Variants in DUOX2 observed in about 807,000 individuals in gnomAD.
The protein encoded by DUOX2 is dual oxidase 2, also known as NADH/NADPH thyroid oxidase p138-tox.
In DUOX2, 185 loss-of-function variants were observed where a neutral mutation model predicts 183.3. The observed-to-expected ratio is 1.01, with a 90% CI of 0.90 to 1.14. The LOEUF is 1.14. DUOX2 is among the 50% of genes most tolerant of loss of function. The pLI is 0.00. For missense variants in DUOX2, 1,999 were observed against 2,022.9 expected (o/e 0.99, Z 0.23); for synonymous variants, 788 against 812.4 (o/e 0.97, Z 0.51).
At position 45,093,801 on chromosome 15, in the gene DUOX2, T is replaced by G. The variant is rs1893821111; in HGVS notation, c.*349A>C. On this transcript the variant is annotated 3_prime_UTR_variant, in exon 34 of 34. Coordinates refer to ENST00000389039, the MANE Select transcript of DUOX2 (RefSeq NM_001363711.2). ...TCCTCCCCACTTTGCTTGCCACGCC[T>G]GCCATGGCTTGAGCTGGGGTGAGGA... 1 of 316,260 alleles carries G rather than the reference T, an allele frequency of 3.2e-6. No individual in the cohort carries two copies. Among genetic ancestry groups the G allele is most frequent in the African/African-American group, 2.1e-5 (1 of 47,150 alleles). The allele number at this position is 316,260 out of a possible 1,614,324, so 19.6% of individuals were successfully genotyped here.
intron 20 of DUOX2, 107 bp from the exon 21 acceptor site, chr15:45,102,096 C>G: frequency 7.2e-7 from 1 of 1,396,182 alleles, no homozygotes; most frequent in Non-Finnish European, 9.9e-7. Context: ...ACCAGTGACC[C>G]GGGAAATGGC....
intron 29 of DUOX2, among the ~76,000 whole-genome samples, chr15:45,096,363 G>A (rs1292827220): frequency 1.3e-5 from 2 of 152,102 alleles, no homozygotes; most frequent in Non-Finnish European, 2.9e-5. Context: ...AAGGGACTCA[G>A]GCTCACCAGG....
At position 45,106,020 on chromosome 15, in the gene DUOX2, T is replaced by C. The variant is rs1595524771; in HGVS notation, c.2148+105A>G. 2.8e-6 allele frequency: 4 copies of C among 1,446,336 alleles called. No individual in the cohort carries two copies. The East Asian group carries it at 9.6e-5, about 35-fold the overall frequency. The allele number at this position is 1,446,336 out of a possible 1,614,324, so 89.6% of individuals were successfully genotyped here. ...CTGAAAGGAGCCCCTCTCCCCAGCA[T>C]CAGCTGTCATAGTTGAGCTCTGTAG... is the stretch of plus-strand genomic sequence containing the variant. On this transcript the variant is annotated intron_variant, in intron 17 of 33. Coordinates refer to ENST00000389039, the MANE Select transcript of DUOX2 (RefSeq NM_001363711.2).
chr15:45,101,022 A>G, intron 22 of DUOX2, 183 bp downstream of exon 22: 1 of 703,214 alleles, frequency 1.4e-6, no homozygotes, highest in Non-Finnish European at 2.5e-6. Context: ...AGCAGCAGGG[A>G]GAGAGCCAAG....
rs752034247 is a variant in DUOX2, at chr15:45,108,372, A to G, written c.1399-150T>C. 6.1e-4 allele frequency: 560 copies of G among 921,170 alleles called. 3 individuals carry two copies. The Middle Eastern group carries it at 7.2e-3, about 12-fold the overall frequency. The allele number at this position is 921,170 out of a possible 1,614,324, so 57.1% of individuals were successfully genotyped here. Reference sequence around the variant, plus strand: ...TCTTAGGCAAGCCCCCTCAGGCAGGACAAGTCTGGTGGAAGGATCAGTGTG... The same window carrying G: ...TCTTAGGCAAGCCCCCTCAGGCAGGGCAAGTCTGGTGGAAGGATCAGTGTG... On this transcript the variant is annotated intron_variant, in intron 12 of 33. Coordinates refer to ENST00000389039, the MANE Select transcript of DUOX2 (RefSeq NM_001363711.2).
At chr15:45,113,634 A>C (rs1894516634) in intron 1 of DUOX2, among the ~76,000 whole-genome samples, 1 of 152,102 alleles carries the variant, frequency 6.6e-6, no homozygotes, top group Non-Finnish European at 1.5e-5. Context: ...AGGCATTGAC[A>C]CTGTTCCCCA....
In DUOX2 at chr15:45,092,741, T is replaced by A. The variant is rs1893796403; in HGVS notation, c.*1409A>T. 2 of 152,176 alleles carry A rather than the reference T, an allele frequency of 1.3e-5. No individual in the cohort carries two copies. The highest frequency in any genetic ancestry group is 2.9e-5 in the Non-Finnish European group (2 of 68,028). The allele number at this position is 152,176 out of a possible 1,614,324, so 9.4% of individuals were successfully genotyped here. A position where few individuals can be genotyped will look rare whatever the true frequency, so the allele number is the denominator to read the frequency against. On this transcript the variant is annotated 3_prime_UTR_variant, in exon 34 of 34. Transcript: ENST00000389039. The stretch of plus-strand genomic sequence containing the variant: ...CATCAACAGAAGAATAAACAAACTG[T>A]GGTACATCTCTACAATAGAATACTA...
At chr15:45,105,290 AG>A (rs1894182082) in intron 18 of DUOX2, among the ~76,000 whole-genome samples, 1 of 152,236 alleles carries the variant, frequency 6.6e-6, no homozygotes, top group Admixed American at 6.5e-5. Flanking sequence ...CTAACTGGGT[AG>A]GTGCATTTCT....
chr15:45,110,539 C>T lies in DUOX2; in HGVS notation c.944-15G>A, dbSNP rs377197782. The T allele has an allele frequency of 7.3e-5, 118 of 1,613,934 alleles. No individual in the cohort carries two copies. Among genetic ancestry groups the T allele is most frequent in the African/African-American group, 5.5e-4 (41 of 74,898 alleles). On this transcript the variant is annotated splice_polypyrimidine_tract_variant and intron_variant, in intron 8 of 33. Coordinates refer to ENST00000389039, the MANE Select transcript of DUOX2 (RefSeq NM_001363711.2). ...AGGACGGTATCCTGCAGGAAGGAGA[C>T]GGTGATGATGGGGAGACAGGCTTCT...
chr15:45,097,645 G>T lies in DUOX2; in HGVS notation c.3662C>A (p.Thr1221Asn). The change falls in exon 28 of 34, where the codon ACC becomes AAC. Residue 1221 changes from threonine (T) to asparagine (N), a missense_variant. Physicochemically the swap from Thr to Asn is moderately conservative, Grantham distance 65. Around this residue, in one of 3 missense-constraint regions of DUOX2, gnomAD observed 1,628 missense variants for 1,608.6 expected, o/e 1.01. Transcript: ENST00000389039. ...RRRSFRGFWL[T>N]HHLYILLYAL... is the part of the protein sequence containing the mutation. ...ATAGAGCAGGATGTAGAGGTGGTGG[G>T]TCAGCCAGAAGCCCCGGAAGCTGCG... 6.2e-7 allele frequency: 1 copy of T among 1,614,258 alleles called. No homozygotes were observed. The highest frequency in any genetic ancestry group is 8.5e-7 in the Non-Finnish European group (1 of 1,180,048).
chr15:45,102,669 C>G (rs773647706), intron 20 of DUOX2, among the ~76,000 whole-genome samples: 1 of 152,164 alleles, frequency 6.6e-6, no homozygotes, highest in African/African-American at 2.4e-5. Context: ...GCAAGATACA[C>G]GCTGAGTTAC....
intron 13 of DUOX2, among the ~76,000 whole-genome samples, 161 bp downstream of exon 13, chr15:45,107,886 A>AAAAG (rs150831750): frequency 5.6e-5 from 7 of 124,782 alleles, no homozygotes; most frequent in African/African-American, 2.3e-4. Context: ...AAAGAAAAAG[A>AAAAG]AAAAGAGAAG....
Position 45,111,180 on chromosome 15 carries a change from G to A in DUOX2, c.813C>T (p.Arg271=). 7.8e-7 allele frequency: 1 copy of A among 1,274,556 alleles called. No homozygotes were observed. Among genetic ancestry groups the A allele is most frequent in the Non-Finnish European group, 1.1e-6 (1 of 930,254 alleles). 79.0% of individuals were successfully genotyped at this position (1,274,556 alleles called of 1,614,324 possible). The part of the protein sequence containing the change: ...YHNLWAQRLA[R]QHPDWEDEEL... ...CCTCGTCCTCCCAGTCTGGGTGCTG[G>A]CGGGCCAGCCTCTGCGCCCACAGGT... Residue 271 remains arginine (R), a synonymous_variant, in exon 7 of 34, where the codon CGC becomes CGT. Transcript: ENST00000389039.
At chr15:45,109,218 C>T in intron 11 of DUOX2, 1 of 603,554 alleles carries the variant, frequency 1.7e-6, no homozygotes, top group East Asian at 2.8e-5. Flanking sequence ...TCCTATGCCT[C>T]CCTAGTTTCA....
chr15:45,101,926 A>G lies in DUOX2; in HGVS notation c.2718T>C (p.Ser906=), dbSNP rs200735161. 4.6e-5 allele frequency: 75 copies of G among 1,614,200 alleles called. 1 individual carries two copies. Among genetic ancestry groups the G allele is most frequent in the Middle Eastern group, 1.6e-4 (1 of 6,062 alleles). ...CCTGGAATCCCGACTCCCGGAACAT[A>G]GACTCCACCACCTCGGCCAGCTGGG... ...SKAQLAEVVE[S]MFRESGFQDK... Residue 906 remains serine (S), a synonymous_variant, in exon 21 of 34, where the codon TCT becomes TCC. Coordinates refer to ENST00000389039, the MANE Select transcript of DUOX2 (RefSeq NM_001363711.2).
At chr15:45,107,501 G>C (rs770201367) in intron 13 of DUOX2, 38 bp from the exon 14 acceptor site, 1 of 1,606,958 alleles carries the variant, frequency 6.2e-7, no homozygotes, top group African/African-American at 1.3e-5. Flanking sequence ...GGATGGGAAG[G>C]GGATGCAGGC....
chr15:45,099,464 T>A lies in DUOX2; in HGVS notation c.3434A>T (p.His1145Leu). 6.2e-7 allele frequency: 1 copy of A among 1,613,958 alleles called. No individual in the cohort carries two copies. The highest frequency in any genetic ancestry group is 8.5e-7 in the Non-Finnish European group (1 of 1,179,996). The change falls in exon 26 of 34, where the codon CAC becomes CTC. Residue 1145 changes from histidine to leucine, a missense_variant. Coordinates refer to ENST00000389039, the MANE Select transcript of DUOX2 (RefSeq NM_001363711.2). ...VVLAILHSAGHAVNVYIFSVS... is the reference protein window; with the variant it reads ...VVLAILHSAGLAVNVYIFSVS... ...TGAGAAGATGTAGACATTGACTGCG[T>A]GGCCAGCACTGTGCAAAACTGGAAG... is the stretch of plus-strand genomic sequence containing the variant.
chr15:45,096,547 T>C (rs1893906046), intron 29 of DUOX2, among the ~76,000 whole-genome samples: 1 of 152,246 alleles, frequency 6.6e-6, no homozygotes, highest in Non-Finnish European at 1.5e-5. Context: ...GTGTCCTACA[T>C]AGAAGACAAC....
chr15:45,107,960 G>A (rs1009663711), intron 13 of DUOX2, 87 bp downstream of exon 13: 32 of 1,509,996 alleles, frequency 2.1e-5, no homozygotes, highest in Non-Finnish European at 2.8e-5. Flanking sequence ...GGGAATCAAG[G>A]GCTCATAGGG....
Sources: allele counts gnomAD v4.1 joint callset (sites outside exome capture counted in the v4.1 genomes callset), GRCh38; gene constraint gnomAD v4.1.1; regional missense constraint gnomAD v4.1.1; transcripts MANE v1.5; gene names NCBI Gene and HGNC (gene_info 2026-07-23, HGNC 2026-07-21).